PTPN12: variants seen among roughly 807,000 people sequenced by gnomAD.
PTPN12 encodes the protein protein tyrosine phosphatase non-receptor type 12.
Under a neutral mutation model 97.6 loss-of-function variants are expected in PTPN12, and 29 were observed. The observed-to-expected ratio is 0.30, with a 90% confidence interval of 0.22 to 0.41. The LOEUF is 0.41. PTPN12 is among the 10% of genes least tolerant of loss of function. The pLI, the probability that PTPN12 is intolerant of heterozygous loss-of-function variation, is 1.00. For missense variants in PTPN12, 819 were observed against 926.0 expected (o/e 0.88, Z 1.50); for synonymous variants, 327 against 300.4 (o/e 1.09, Z -0.91).
intron 1 of PTPN12, among the ~76,000 whole-genome samples, chr7:77,548,458 C>T (rs1024787824): frequency 1.3e-4 from 20 of 152,236 alleles, no homozygotes; most frequent in South Asian, 6.2e-4. Context: ...TTACTCCTGA[C>T]GTCATAAACT....
chr7:77,565,990 T>C (rs1361634324), intron 1 of PTPN12, among the ~76,000 whole-genome samples: 1 of 152,170 alleles, frequency 6.6e-6, no homozygotes, highest in East Asian at 1.9e-4. Flanking sequence ...ACTTAAGAAA[T>C]ACTTTTCACA....
At chr7:77,567,436 G>A (rs142493272) in intron 1 of PTPN12, among the ~76,000 whole-genome samples, 30 of 152,278 alleles carry the variant, frequency 2.0e-4, no homozygotes, top group African/African-American at 7.2e-4. Flanking sequence ...AAAATTAAAA[G>A]ATAAGTAAGC....
At chr7:77,561,081 G>GT (rs1396639031) in intron 1 of PTPN12, among the ~76,000 whole-genome samples, 6 of 151,686 alleles carry the variant, frequency 4.0e-5, no homozygotes, top group African/African-American at 7.3e-5. Flanking sequence ...GTTTTGTTTT[G>GT]TTTTTTGTTT....
chr7:77,571,037 CTG>C (rs982810965), intron 1 of PTPN12, 39 bp from the exon 2 acceptor site: 14 of 1,343,682 alleles, frequency 1.0e-5, no homozygotes, highest in East Asian at 5.3e-5. Context: ...GAAAATATCA[CTG>C]TTTCTCTAAA....
chr7:77,628,113 C>T (rs1789267429), intron 13 of PTPN12, among the ~76,000 whole-genome samples: 2 of 152,146 alleles, frequency 1.3e-5, no homozygotes, highest in South Asian at 4.1e-4. Flanking sequence ...GTTCCTTTAA[C>T]TACAGATTAC....
intron 9 of PTPN12, among the ~76,000 whole-genome samples, chr7:77,609,335 A>G (rs1788482637): frequency 7.3e-6 from 1 of 137,304 alleles, no homozygotes; most frequent in African/African-American, 2.8e-5. Flanking sequence ...GCAGTGGTGT[A>G]ATCTCGGCTC....
At chr7:77,639,006 C>T in intron 17 of PTPN12, 5 of 666,160 alleles carry the variant, frequency 7.5e-6, no homozygotes, top group South Asian at 6.6e-5. Context: ...GTTTTATTTC[C>T]AGCATAAGAT....
At chr7:77,577,394 A>AT (rs370877755) in intron 2 of PTPN12, among the ~76,000 whole-genome samples, 8 of 152,038 alleles carry the variant, frequency 5.3e-5, no homozygotes, top group Admixed American at 2.0e-4. Flanking sequence ...CATGGTAGCT[A>AT]TTTTTTATTA....
intron 1 of PTPN12, among the ~76,000 whole-genome samples, chr7:77,568,999 C>T (rs929471572): frequency 2.6e-5 from 4 of 152,058 alleles, no homozygotes; most frequent in South Asian, 2.1e-4. Flanking sequence ...TATGGAGTAA[C>T]GACATCATAA....
chr7:77,548,806 T>A (rs1807342290), intron 1 of PTPN12, among the ~76,000 whole-genome samples: 1 of 152,204 alleles, frequency 6.6e-6, no homozygotes, highest in Non-Finnish European at 1.5e-5. Context: ...GGTTGAAGCA[T>A]CAGAACCAAG....
chr7:77,626,847 A>G lies in PTPN12; in HGVS notation c.1168A>G (p.Lys390Glu). Reference protein sequence around the residue: ...VWQDNDRYHPKPVLHMVSSEQ... With the variant: ...VWQDNDRYHPEPVLHMVSSEQ... ...GCAGGACAATGATAGATACCATCCA[A>G]AGCCAGTGTTGCATATGGTTTCATC... The change falls in exon 13 of 18, where the codon AAG (lysine) becomes GAG (glutamate). Residue 390 changes from lysine (K) to glutamate (E), a missense_variant. This residue lies in a region of PTPN12 where 607 missense variants were observed against 577.3 expected (regional missense o/e 1.05). Transcript: ENST00000248594. 1 of 1,614,008 alleles carries G rather than the reference A, an allele frequency of 6.2e-7. No homozygotes were observed. Among genetic ancestry groups the G allele is most frequent in the Non-Finnish European group, 8.5e-7 (1 of 1,179,870 alleles).
chr7:77,612,188 T>G (rs1008007734), intron 11 of PTPN12, among the ~76,000 whole-genome samples: 4 of 152,228 alleles, frequency 2.6e-5, no homozygotes, highest in African/African-American at 9.6e-5. Flanking sequence ...TACCAAATGC[T>G]GATCTCAGTT....
chr7:77,557,913 A>G (rs1337255799), intron 1 of PTPN12, among the ~76,000 whole-genome samples: 2 of 152,200 alleles, frequency 1.3e-5, no homozygotes, highest in African/African-American at 2.4e-5. Context: ...GTAATAATTC[A>G]GAAATTGAGA....
At chr7:77,581,567 TA>T in intron 3 of PTPN12, 64 bp downstream of exon 3, 1 of 1,032,996 alleles carries the variant, frequency 9.7e-7, no homozygotes, top group Non-Finnish European at 1.4e-6. Flanking sequence ...ACTAGTTTTG[TA>T]AAAACTTTTT....
At chr7:77,594,011 A>G (rs1233925627) in intron 6 of PTPN12, among the ~76,000 whole-genome samples, 3 of 152,230 alleles carry the variant, frequency 2.0e-5, no homozygotes, top group African/African-American at 7.2e-5. Flanking sequence ...GGTTGACATA[A>G]AAAAGGACAG....
At chr7:77,587,486 G>A (rs1185315303) in intron 5 of PTPN12, among the ~76,000 whole-genome samples, 1 of 152,128 alleles carries the variant, frequency 6.6e-6, no homozygotes, top group Non-Finnish European at 1.5e-5. Context: ...ACAAAAACAT[G>A]CTGTAAACAG....
At chr7:77,586,703 T>C (rs1252865256) in intron 5 of PTPN12, among the ~76,000 whole-genome samples, 1 of 152,238 alleles carries the variant, frequency 6.6e-6, no homozygotes, top group African/African-American at 2.4e-5. Context: ...CTACCCACAG[T>C]AGAACTACTT....
intron 2 of PTPN12, among the ~76,000 whole-genome samples, chr7:77,580,954 C>G (rs1787495173): frequency 6.6e-6 from 1 of 152,168 alleles, no homozygotes; most frequent in Non-Finnish European, 1.5e-5. Flanking sequence ...AGATAATGTC[C>G]TGGAATTTGA....
At chr7:77,539,428 G>C (rs1806841506) in intron 1 of PTPN12, among the ~76,000 whole-genome samples, 1 of 151,996 alleles carries the variant, frequency 6.6e-6, no homozygotes, top group African/African-American at 2.4e-5. Flanking sequence ...GATCTGAAAG[G>C]GTTAAGGAAA....
Sources: gnomAD v4.1 joint callset for allele counts (sites outside exome capture counted in the v4.1 genomes callset) on GRCh38, gnomAD v4.1.1 for gene constraint, gnomAD v4.1.1 regional missense constraint, MANE v1.5 for transcripts, NCBI Gene and HGNC (gene_info 2026-07-23, HGNC 2026-07-21) for gene names.